MFSD11: variants seen among roughly 807,000 people sequenced by gnomAD.
The protein encoded by MFSD11 is major facilitator superfamily domain containing 11.
Under a neutral mutation model 53.5 loss-of-function variants are expected in MFSD11, and 36 were observed. The observed-to-expected ratio is 0.67, with a 90% CI of 0.52 to 0.89. The LOEUF (loss-of-function observed/expected upper bound fraction) is 0.89. Ranked by LOEUF, MFSD11 falls within the 40% of genes least tolerant of loss-of-function variation. The probability of loss-of-function intolerance (pLI) is 0.00; values close to 1 mark genes in which losing one functional copy is unlikely to be tolerated. For synonymous variants in MFSD11, 186 were observed against 184.9 expected (o/e 1.01, Z -0.05); for missense variants, 530 against 543.9 (o/e 0.97, Z 0.25).
At chr17:76,787,571 A>G in the MFSD11 span, among the ~76,000 whole-genome samples, 1 of 150,376 alleles carries the variant, frequency 6.6e-6, no homozygotes, top group African/African-American at 2.4e-5. Flanking sequence ...TGGTCCTCCA[A>G]GAAAATGAAA....
At chr17:76,768,155 T>A (rs1054596032) in intron 9 of MFSD11, among the ~76,000 whole-genome samples, 2 of 151,902 alleles carry the variant, frequency 1.3e-5, no homozygotes, top group East Asian at 3.9e-4. Flanking sequence ...ATACAAAAAA[T>A]TAGCCGAGTA....
At chr17:76,789,271 T>C in the MFSD11 span, among the ~76,000 whole-genome samples, 1 of 150,332 alleles carries the variant, frequency 6.7e-6, no homozygotes, top group East Asian at 1.9e-4. Context: ...GTTTTATACA[T>C]TGGCATGGTT....
At chr17:76,773,844 G>A (rs966182735) in intron 10 of MFSD11, among the ~76,000 whole-genome samples, 9 of 152,146 alleles carry the variant, frequency 5.9e-5, no homozygotes, top group Admixed American at 1.3e-4. Context: ...TTGACCTCGT[G>A]ATCTGCCCAC....
chr17:76,755,813 T>TATATATATATATATATA (rs1491559378), intron 8 of MFSD11, among the ~76,000 whole-genome samples: 39 of 15,030 alleles, frequency 2.6e-3, no homozygotes, highest in Middle Eastern at 0.024. Flanking sequence ...TATATATATA[T>TATATATATATATATATA]TTTTTTTTTT....
Position 76,769,977 on chromosome 17 carries a change from A to G in MFSD11, c.874+106A>G. 4 of 1,011,880 alleles carry G rather than the reference A, an allele frequency of 4.0e-6. No homozygotes were observed. The South Asian group carries it at 4.6e-5, about 12-fold the overall frequency. 62.7% of individuals were successfully genotyped at this position (1,011,880 alleles called of 1,614,324 possible). A position where few individuals can be genotyped will look rare whatever the true frequency, so the allele number is the denominator to read the frequency against. On this transcript the variant is annotated intron_variant, in intron 10 of 12. Coordinates refer to ENST00000685175, the MANE Select transcript of MFSD11 (RefSeq NM_001242532.5). The stretch of plus-strand genomic sequence containing the variant: ...TTGTCCTTGAATTTCTGTTTTTTCT[A>G]CTTATTTTTACCCAAACGTGTGTTT...
rs1041610058 is a variant in MFSD11, at chr17:76,767,794, C to G, written c.748+343C>G. Among the ~76,000 whole-genome samples, 10 of 152,132 alleles carry G rather than the reference C, an allele frequency of 6.6e-5. No homozygotes were observed. The East Asian group carries it at 1.9e-3, about 29-fold the overall frequency. On this transcript the variant is annotated intron_variant, in intron 9 of 12. Transcript: ENST00000685175. ...AAGGCAACAGGAAAGAATACCAGACCTTCTTAAAGCTCAGGCTTCAGTCTA... is the reference window on the plus strand; with the variant it reads ...AAGGCAACAGGAAAGAATACCAGACGTTCTTAAAGCTCAGGCTTCAGTCTA...
downstream of MFSD11, among the ~76,000 whole-genome samples, chr17:76,784,920 A>AG (rs1474052735): frequency 6.6e-6 from 1 of 152,174 alleles, no homozygotes; most frequent in Non-Finnish European, 1.5e-5. Flanking sequence ...AAAACAAAAA[A>AG]ACTTATTCTC....
intron 7 of MFSD11, among the ~76,000 whole-genome samples, chr17:76,748,368 T>A (rs73359073): frequency 0.04 from 6,029 of 152,188 alleles, 402 homozygotes; most frequent in African/African-American, 0.14. Flanking sequence ...CAGAAAAAGA[T>A]TTGAAGAGGT....
chr17:76,741,131 A>G, intron 3 of MFSD11, 67 bp downstream of exon 3: 1 of 1,005,440 alleles, frequency 9.9e-7, no homozygotes, highest in Non-Finnish European at 1.6e-6. Context: ...TAGATAGTAA[A>G]CTTCACAATA....
At chr17:76,738,646 TA>T (rs2077738071) in intron 1 of MFSD11, 198 bp downstream of exon 1, 1 of 610,174 alleles carries the variant, frequency 1.6e-6, no homozygotes, top group Admixed American at 3.1e-5. Flanking sequence ...CATTATCGTT[TA>T]ATCTGATTTG....
chr17:76,746,584 C>T (rs2078563956), intron 7 of MFSD11, among the ~76,000 whole-genome samples: 1 of 152,178 alleles, frequency 6.6e-6, no homozygotes. Flanking sequence ...CAGCTAATGA[C>T]TTGAAGTTGA....
At chr17:76,740,771 A>G (rs1427488980) in intron 2 of MFSD11, among the ~76,000 whole-genome samples, 186 bp from the exon 3 acceptor site, 1 of 152,224 alleles carries the variant, frequency 6.6e-6, no homozygotes, top group South Asian at 2.1e-4. Context: ...GTGGGCTTCA[A>G]TATTTTGTAC....
At chr17:76,755,212 CAAA>C (rs758631412) in intron 8 of MFSD11, among the ~76,000 whole-genome samples, 2 of 123,296 alleles carry the variant, frequency 1.6e-5, no homozygotes, top group Non-Finnish European at 1.8e-5. Context: ...GAGACTGTCT[CAAA>C]AAAAAAAAAA....
the MFSD11 span, among the ~76,000 whole-genome samples, chr17:76,799,854 A>T: frequency 1.3e-5 from 2 of 151,796 alleles, no homozygotes; most frequent in South Asian, 4.2e-4. Context: ...GATCAGATGC[A>T]TCATCTCATA....
At chr17:76,738,496 A>T (rs746922260) in intron 1 of MFSD11, 48 bp downstream of exon 1, 3 of 1,357,648 alleles carry the variant, frequency 2.2e-6, no homozygotes, top group South Asian at 2.4e-5. Context: ...ATCATAATGC[A>T]GTCCAGAAAT....
intron 10 of MFSD11, among the ~76,000 whole-genome samples, chr17:76,774,610 T>C (rs1013675701): frequency 1.3e-5 from 2 of 152,228 alleles, no homozygotes; most frequent in African/African-American, 2.4e-5. Context: ...TCAGAATCCA[T>C]AGTGACTGCC....
intron 8 of MFSD11, among the ~76,000 whole-genome samples, chr17:76,765,311 TTATCTC>T (rs2080728613): frequency 6.6e-6 from 1 of 152,146 alleles, no homozygotes. Flanking sequence ...ATATAAACAT[TTATCTC>T]TAGATAGATA....
At position 76,776,536 on chromosome 17, in the gene MFSD11, G is replaced by A. The variant is rs763854357; in HGVS notation, c.1180G>A (p.Val394Ile). The A allele has an allele frequency of 8.1e-6, 13 of 1,613,810 alleles. No individual in the cohort carries two copies. In the South Asian group the frequency reaches 1.4e-4, roughly 18 times the overall value. ...CCCAGCATTTGCCATCTTCAAGTTT[G>A]TTCAGGTAACCTCTTCAGATTGTGA... ...SAPAFAIFKFVQSICAAVAFF... is the reference protein window; with the variant it reads ...SAPAFAIFKFIQSICAAVAFF... The change falls in exon 12 of 13, where the codon GTT becomes ATT. Residue 394 changes from valine to isoleucine, a missense_variant. Transcript: ENST00000685175. This position sits in a 1 kb window ranked among gnomAD's most constrained non-coding sequence, Gnocchi z 4.2.
chr17:76,761,790 G>T (rs189289474), intron 8 of MFSD11, among the ~76,000 whole-genome samples: 25 of 151,152 alleles, frequency 1.7e-4, no homozygotes, highest in African/African-American at 6.1e-4. Context: ...GCGTGGTGGC[G>T]GGTGCCTGTA....
Sources: allele counts gnomAD v4.1 joint callset (sites outside exome capture counted in the v4.1 genomes callset), GRCh38; gene constraint gnomAD v4.1.1; non-coding constraint Gnocchi (gnomAD v3.1); transcripts MANE v1.5; gene names NCBI Gene and HGNC (gene_info 2026-07-23, HGNC 2026-07-21).